The following SLIT3 variants were observed in gnomAD, a reference collection of about 807,000 sequenced individuals.
SLIT3 encodes the protein slit guidance ligand 3.
A neutral mutation model predicts 184.0 loss-of-function variants in SLIT3; 68 were observed. The ratio of observed to expected loss-of-function variants is 0.37; its 90% CI spans 0.30 to 0.45. The LOEUF is 0.45. Among genes scored for constraint, SLIT3 ranks in the 20% least tolerant of loss-of-function variants. The probability of loss-of-function intolerance (pLI) is 1.00; values close to 1 mark genes in which losing one functional copy is unlikely to be tolerated. For synonymous variants in SLIT3, 831 were observed against 828.6 expected, an observed-to-expected ratio of 1.00 and a Z score of -0.05; for missense variants, 1,707 against 2,026.0, an observed-to-expected ratio of 0.84 and a Z score of 3.02.
intron 28 of SLIT3, among the ~76,000 whole-genome samples, chr5:168,693,505 G>C (rs1237394248): frequency 1.3e-5 from 2 of 152,202 alleles, no homozygotes; most frequent in Non-Finnish European, 2.9e-5. Context: ...TTAGGAATGT[G>C]GGGGAGGGCG....
At chr5:169,026,351 T>G (rs947184173) in intron 4 of SLIT3, 3 of 152,220 alleles carry the variant, frequency 2.0e-5, no homozygotes, top group African/African-American at 7.2e-5. Context: ...TGTGAAGCTT[T>G]CAAGAAGTTG....
At position 168,823,253 on chromosome 5, in the gene SLIT3, TACTC is replaced by T. The variant is rs765965878; in HGVS notation, c.629+3_629+6del. On this transcript the variant is annotated splice_donor_5th_base_variant and intron_variant, in intron 7 of 35. Coordinates refer to ENST00000519560, the MANE Select transcript of SLIT3 (RefSeq NM_003062.4). ...AAATGGGAGAGATGCACAGACTTCT[TACTC>T]ACAGAGTTCGGATCTTCGGCATGTG... 119 of 1,611,806 alleles carry T rather than the reference TACTC, an allele frequency of 7.4e-5. No individual in the cohort carries two copies. The highest frequency in any genetic ancestry group is 9.6e-5 in the Non-Finnish European group (113 of 1,178,014).
intron 5 of SLIT3, among the ~76,000 whole-genome samples, chr5:168,845,298 G>T (rs1488366128): frequency 1.3e-5 from 2 of 152,100 alleles, no homozygotes; most frequent in Non-Finnish European, 2.9e-5. Flanking sequence ...GGCCCATCTG[G>T]TAGGTCATTC....
chr5:168,980,868 G>A (rs1247640855), intron 4 of SLIT3, among the ~76,000 whole-genome samples: 1 of 152,092 alleles, frequency 6.6e-6, no homozygotes, highest in East Asian at 1.9e-4. Flanking sequence ...TAGTGATGTG[G>A]GAAAATGTTT....
intron 12 of SLIT3, among the ~76,000 whole-genome samples, chr5:168,784,182 T>G (rs1342625702): frequency 6.6e-6 from 1 of 152,208 alleles, no homozygotes; most frequent in Non-Finnish European, 1.5e-5. Flanking sequence ...AGGTGGATAC[T>G]ATTGATACTC....
chr5:169,127,267 G>A (rs1223280927), intron 4 of SLIT3, among the ~76,000 whole-genome samples: 1 of 152,218 alleles, frequency 6.6e-6, no homozygotes. Flanking sequence ...AATAGGCACT[G>A]CCCTTAAAAC....
intron 20 of SLIT3, among the ~76,000 whole-genome samples, chr5:168,746,354 T>TGGTGGTGTGTGGTGTGTGAGTGA (rs1763809379): frequency 8.3e-6 from 1 of 120,656 alleles, no homozygotes; most frequent in Admixed American, 8.4e-5. Context: ...TGTGGGTGTG[T>TGGTGGTGTGTGGTGTGTGAGTGA]GGTGGTGTGT....
intron 8 of SLIT3, among the ~76,000 whole-genome samples, chr5:168,815,709 C>A (rs1252672447): frequency 7.2e-5 from 11 of 152,142 alleles, no homozygotes; most frequent in Non-Finnish European, 1.6e-4. Flanking sequence ...GAGGAAGCGG[C>A]AGAGAATGAG....
At chr5:169,257,569 C>T (rs1358233337) in intron 1 of SLIT3, among the ~76,000 whole-genome samples, 10 of 86,024 alleles carry the variant, frequency 1.2e-4, no homozygotes, top group Admixed American at 1.1e-3. Flanking sequence ...TTTTTTGAGA[C>T]GGTGTCTCCC....
chr5:169,068,396 C>T (rs1203828666), intron 4 of SLIT3, among the ~76,000 whole-genome samples: 4 of 152,076 alleles, frequency 2.6e-5, no homozygotes, highest in East Asian at 1.9e-4. Context: ...AGCCAGGTAT[C>T]GAGCTAGGTG....
At chr5:168,742,621 A>G (rs1763669664) in intron 20 of SLIT3, among the ~76,000 whole-genome samples, 1 of 126,930 alleles carries the variant, frequency 7.9e-6, no homozygotes, top group Non-Finnish European at 1.6e-5. Flanking sequence ...GAGTCATGAC[A>G]GTGATAACAA....
At chr5:169,231,393 C>T (rs75256496) in intron 3 of SLIT3, among the ~76,000 whole-genome samples, 10,779 of 152,222 alleles carry the variant, frequency 0.071, 558 homozygotes, top group South Asian at 0.12. Flanking sequence ...TTAACACCAC[C>T]TCGGCTTTTA....
At chr5:168,942,941 G>A (rs528199819) in intron 4 of SLIT3, among the ~76,000 whole-genome samples, 2 of 152,346 alleles carry the variant, frequency 1.3e-5, no homozygotes, top group Admixed American at 1.3e-4. Flanking sequence ...GGGCTAGGGG[G>A]AGGAAGCTGA....
intron 4 of SLIT3, among the ~76,000 whole-genome samples, chr5:169,014,431 G>T (rs535303411): frequency 1.2e-4 from 19 of 152,270 alleles, no homozygotes; most frequent in African/African-American, 4.1e-4. Flanking sequence ...AGGATGGTGA[G>T]GTGGAGAAGA....
At chr5:168,692,548 G>T (rs1481434413) in intron 29 of SLIT3, 59 bp downstream of exon 29, 22 of 1,176,334 alleles carry the variant, frequency 1.9e-5, no homozygotes, top group Non-Finnish European at 2.7e-5. Flanking sequence ...CTAAAACCTA[G>T]ACTGTTAGAG....
chr5:168,762,224 T>C (rs2113505994), intron 15 of SLIT3, among the ~76,000 whole-genome samples: 1 of 152,326 alleles, frequency 6.6e-6, no homozygotes, highest in South Asian at 2.1e-4. Flanking sequence ...GGTTTTACTG[T>C]AAGCTCCGTA....
intron 4 of SLIT3, among the ~76,000 whole-genome samples, chr5:169,138,371 TC>T (rs942236354): frequency 1.3e-5 from 2 of 152,188 alleles, no homozygotes; most frequent in Non-Finnish European, 2.9e-5. Flanking sequence ...GCATGGGTCC[TC>T]CTGTGGTGTC....
In SLIT3 at chr5:169,005,234, A is replaced by AT. The variant is rs141072531; in HGVS notation, c.414-121899dup. 8.6e-3 allele frequency among the ~76,000 whole-genome samples: 1,305 copies of AT among 152,348 alleles called. 20 individuals carry two copies. The highest frequency in any genetic ancestry group is 0.03 in the African/African-American group (1,243 of 41,592). On this transcript the variant is annotated intron_variant, in intron 4 of 35. Coordinates refer to ENST00000519560, the MANE Select transcript of SLIT3 (RefSeq NM_003062.4). Reference sequence around the variant, plus strand: ...AATTTGTGTAATTCACTTTATTGCGATACTCACTTTGTTTGCAGTGGTCTG... The same window carrying AT: ...AATTTGTGTAATTCACTTTATTGCGATTACTCACTTTGTTTGCAGTGGTCTG...
intron 21 of SLIT3, 79 bp downstream of exon 21, chr5:168,724,337 T>C: frequency 8.6e-7 from 1 of 1,164,066 alleles, no homozygotes; most frequent in Non-Finnish European, 1.2e-6. Context: ...AGCTCTGTTC[T>C]CTCTTACCAT....
Sources: allele counts gnomAD v4.1 joint callset (sites outside exome capture counted in the v4.1 genomes callset), GRCh38; gene constraint gnomAD v4.1.1; transcripts MANE v1.5; gene names NCBI Gene and HGNC (gene_info 2026-07-23, HGNC 2026-07-21).